Variants in PTRH1 observed in about 807,000 individuals in gnomAD.
PTRH1 encodes the protein peptidyl-tRNA hydrolase 1 homolog, also known as peptidyl-tRNA hydrolase.
In PTRH1, 13 loss-of-function variants were observed where a neutral mutation model predicts 15.7. The observed-to-expected ratio is 0.83, with a 90% CI of 0.54 to 1.31. The LOEUF is 1.31. Among genes scored for constraint, PTRH1 ranks in the 40% most tolerant of loss-of-function variants. The pLI is 0.00. For synonymous variants in PTRH1, 139 were observed against 136.7 expected (o/e 1.02, Z -0.12); for missense variants, 319 against 296.2 (o/e 1.08, Z -0.56).
At chr9:127,710,928 A>G (rs201004785), downstream of PTRH1, among the ~76,000 whole-genome samples, 86 of 152,208 alleles carry the variant, frequency 5.7e-4, 1 homozygote, top group South Asian at 4.6e-3. Flanking sequence ...GGGGTGGGAG[A>G]AAAGGAATAA....
In PTRH1 at chr9:127,714,197, G is replaced by A; in HGVS notation, c.548C>T (p.Ala183Val). The A allele has an allele frequency of 6.2e-7, 1 of 1,613,946 alleles. No homozygotes were observed. The highest frequency in any genetic ancestry group is 8.5e-7 in the Non-Finnish European group (1 of 1,180,006). ...CAACAGAGGCAGCAGCTCCTGCTCA[G>A]CAGGGGAGAAGCAGCCCAGCACATG... Reference protein sequence around the residue: ...QAHVLGCFSPAEQELLPLLLD... With the variant: ...QAHVLGCFSPVEQELLPLLLD... The change falls in exon 5 of 5, where the codon GCT (alanine) becomes GTT (valine). Residue 183 changes from alanine (A) to valine (V), a missense_variant. Ala to Val is a moderately conservative substitution (Grantham distance 64). Coordinates refer to ENST00000543175, the MANE Select transcript of PTRH1 (RefSeq NM_001002913.3).
At chr9:127,706,903 C>G (rs1486458374) in intron 1 of PTRH1, 5 of 1,129,692 alleles carry the variant, frequency 4.4e-6, no homozygotes, top group Non-Finnish European at 6.3e-6. Flanking sequence ...TACCGGCACC[C>G]AGCAAGAAGA....
chr9:127,699,991 G>A (rs1842592406), intron 1 of PTRH1, among the ~76,000 whole-genome samples: 1 of 151,976 alleles, frequency 6.6e-6, no homozygotes, highest in Admixed American at 6.6e-5. Context: ...GACCAGCCTG[G>A]CCAACACGGT....
intron 2 of PTRH1, 34 bp downstream of exon 2, chr9:127,714,941 G>GCCCCCCCCCCCCCCCCCCC: frequency 2.2e-6 from 1 of 446,378 alleles, no homozygotes; most frequent in Non-Finnish European, 4.1e-6. Flanking sequence ...CACCCCCTTG[G>GCCCCCCCCCCCCCCCCCCC]CCCGCCCGCC....
At chr9:127,712,435 G>T, downstream of PTRH1, 1 of 1,539,020 alleles carries the variant, frequency 6.5e-7, no homozygotes, top group Non-Finnish European at 8.8e-7. Context: ...GGCTGCCTCA[G>T]GATCAGAGGC....
At position 127,714,045 on chromosome 9, in the gene PTRH1, G is replaced by A; in HGVS notation, c.*55C>T. ...CCAAGGCTGGCGTGGCAGCTCTGTGGCAGTGGCTGGGTTGGTGGGCACTAC... is the reference window on the plus strand; with the variant it reads ...CCAAGGCTGGCGTGGCAGCTCTGTGACAGTGGCTGGGTTGGTGGGCACTAC... On this transcript the variant is annotated 3_prime_UTR_variant, in exon 5 of 5. Coordinates refer to ENST00000543175, the MANE Select transcript of PTRH1 (RefSeq NM_001002913.3). The A allele has an allele frequency of 6.3e-7, 1 of 1,595,240 alleles. No individual in the cohort carries two copies. Among genetic ancestry groups the A allele is most frequent in the Non-Finnish European group, 8.6e-7 (1 of 1,165,722 alleles).
In PTRH1 at chr9:127,715,491, C is replaced by T. The variant is rs765405772; in HGVS notation, c.96+53G>A. 1 of 1,611,438 alleles carries T rather than the reference C, an allele frequency of 6.2e-7. No individual in the cohort carries two copies. The highest frequency in any genetic ancestry group is 8.5e-7 in the Non-Finnish European group (1 of 1,179,080). ...CACTCGGCTCCCGGGACATAATGGC[C>T]GAACTGAAGCTAGGGACCGGGAGCC... is the stretch of plus-strand genomic sequence containing the variant. On this transcript the variant is annotated intron_variant, in intron 1 of 4. Coordinates refer to ENST00000543175, the MANE Select transcript of PTRH1 (RefSeq NM_001002913.3). The surrounding 1 kb of genome is among the most constrained non-coding windows in gnomAD (Gnocchi z 5.8).
At chr9:127,712,446 C>A, downstream of PTRH1, 1 of 1,496,534 alleles carries the variant, frequency 6.7e-7, no homozygotes, top group Non-Finnish European at 9.0e-7. Context: ...GATCAGAGGC[C>A]CCTCTTTTCC....
chr9:127,704,353 A>T (rs1158917364), intron 1 of PTRH1, among the ~76,000 whole-genome samples: 4 of 151,944 alleles, frequency 2.6e-5, no homozygotes, highest in Non-Finnish European at 2.9e-5. Flanking sequence ...AAAAAAAATT[A>T]AAAAATTAGC....
rs535887534 is a variant in PTRH1, at chr9:127,694,886, G to A, written c.420+41C>T. On this transcript the variant is annotated intron_variant, in intron 2 of 2. Coordinates refer to the PTRH1 transcript ENST00000335223. ...TCTCTTCTGGGTACAGGAAGCAGAAGGCCAGAGTGGTTAGGAGCACAGACT... is the reference window on the plus strand; with the variant it reads ...TCTCTTCTGGGTACAGGAAGCAGAAAGCCAGAGTGGTTAGGAGCACAGACT... The A allele has an allele frequency of 3.7e-5, 25 of 671,880 alleles. 1 individual carries two copies. The South Asian group carries it at 3.9e-4, about 11-fold the overall frequency. The allele number at this position is 671,880 out of a possible 1,614,324, so 41.6% of individuals were successfully genotyped here.
downstream of PTRH1, chr9:127,712,572 C>G: frequency 6.4e-7 from 1 of 1,554,042 alleles, no homozygotes; most frequent in Non-Finnish European, 8.7e-7. Context: ...GGGCCTCAGT[C>G]TTCCCGACTG....
Position 127,715,661 on chromosome 9 carries a change from A to C in PTRH1, c.-22T>G, listed in dbSNP as rs772628052. 2 of 1,605,516 alleles carry C rather than the reference A, an allele frequency of 1.2e-6. No individual in the cohort carries two copies. The highest frequency in any genetic ancestry group is 1.7e-6 in the Non-Finnish European group (2 of 1,178,132). ...TCATGCTGCCCCCATTCACTCCGAC[A>C]CCGCCCCCTGACGTCATCACCCCGC... is the stretch of plus-strand genomic sequence containing the variant. On this transcript the variant is annotated 5_prime_UTR_variant, in exon 1 of 5. Transcript: ENST00000543175. This position sits in a 1 kb window ranked among gnomAD's most constrained non-coding sequence, Gnocchi z 5.8.
chr9:127,708,807 G>C (rs747581636), downstream of PTRH1, among the ~76,000 whole-genome samples: 9 of 152,240 alleles, frequency 5.9e-5, no homozygotes, highest in Non-Finnish European at 8.8e-5. Flanking sequence ...GGCCAAGAAG[G>C]GTCCACTGAG....
downstream of PTRH1, chr9:127,713,726 C>T (rs1014494443): frequency 2.6e-5 from 23 of 877,238 alleles, no homozygotes; most frequent in Middle Eastern, 3.0e-4. Flanking sequence ...AGGCTGGTCT[C>T]GAACTCCTGA....
In PTRH1 at chr9:127,715,407, TTTG is replaced by T. The variant is rs1426604451; in HGVS notation, c.96+134_96+136del. 2 of 1,364,872 alleles carry T rather than the reference TTTG, an allele frequency of 1.5e-6. No individual in the cohort carries two copies. Among genetic ancestry groups the T allele is most frequent in the South Asian group, 2.5e-5 (2 of 80,940 alleles). 84.5% of individuals were successfully genotyped at this position (1,364,872 alleles called of 1,614,324 possible). A position where few individuals can be genotyped will look rare whatever the true frequency, so the allele number is the denominator to read the frequency against. On this transcript the variant is annotated intron_variant, in intron 1 of 4. Coordinates refer to ENST00000543175, the MANE Select transcript of PTRH1 (RefSeq NM_001002913.3). This position sits in a 1 kb window ranked among gnomAD's most constrained non-coding sequence, Gnocchi z 5.8. ...AGTGCAGGAACGGAGCTTCAAGAAG[TTTG>T]GAGCCCGTCGAGCACTGAACTCACC...
At chr9:127,695,672 T>G (rs1424461021) in intron 1 of PTRH1, 1 of 152,412 alleles carries the variant, frequency 6.6e-6, no homozygotes, top group Non-Finnish European at 1.5e-5. Context: ...TCAGAGCTGC[T>G]GCTTTTGCTC....
downstream of PTRH1, chr9:127,711,869 A>G (rs1161822001): frequency 8.8e-6 from 14 of 1,585,890 alleles, no homozygotes; most frequent in East Asian, 2.3e-5. Context: ...CAGGACACCA[A>G]GGAGGCCGAG....
chr9:127,707,141 TGAA>T, intron 1 of PTRH1: 3 of 1,613,616 alleles, frequency 1.9e-6, no homozygotes, highest in East Asian at 2.2e-5. Context: ...GCCAAGGAGA[TGAA>T]GGAGTTCTAC....
chr9:127,711,370 G>A (rs758149199), downstream of PTRH1: 2 of 1,614,210 alleles, frequency 1.2e-6, no homozygotes. Context: ...GGGTCTCCCA[G>A]CAAGGCATGA....
Sources: allele counts gnomAD v4.1 joint callset (sites outside exome capture counted in the v4.1 genomes callset), GRCh38; gene constraint gnomAD v4.1.1; non-coding constraint Gnocchi (gnomAD v3.1); transcripts MANE v1.5; gene names NCBI Gene and HGNC (gene_info 2026-07-23, HGNC 2026-07-21).